Variants in TAF7L observed in about 807,000 individuals in gnomAD.
The protein encoded by TAF7L is transcription initiation factor TFIID subunit 7-like.
A neutral mutation model predicts 30.2 loss-of-function variants in TAF7L; 6 were observed. The ratio of observed to expected loss-of-function variants is 0.20; its 90% confidence interval spans 0.11 to 0.39. TAF7L has a LOEUF of 0.39. Ranked by LOEUF, TAF7L falls within the 10% of genes least tolerant of loss-of-function variation. TAF7L has a pLI of 1.00. For synonymous variants in TAF7L, 93 were observed against 94.5 expected, an observed-to-expected ratio of 0.98 and a Z score of 0.09; for missense variants, 284 against 277.1, an observed-to-expected ratio of 1.03 and a Z score of -0.18.
At chrX:101,282,543 G>C (rs1924449601) in intron 4 of TAF7L, 90 bp from the exon 5 acceptor site, 1 of 1,000,877 alleles carries the variant, frequency 1.0e-6, no homozygotes, top group Admixed American at 2.5e-5. Flanking sequence ...ATGCACAGAA[G>C]AGACTGATAC....
chrX:101,287,340 C>T, intron 2 of TAF7L, 138 bp downstream of exon 2: 1 of 542,189 alleles, frequency 1.8e-6, no homozygotes, highest in Non-Finnish European at 3.0e-6. Flanking sequence ...GACTGCTTAA[C>T]AGAACATGAT....
intron 8 of TAF7L, 56 bp from the exon 9 acceptor site, chrX:101,277,775 A>G: frequency 1.2e-6 from 1 of 864,694 alleles, no homozygotes; most frequent in Non-Finnish European, 1.7e-6. Flanking sequence ...GGCACAGCTG[A>G]AAGGGAAGGG....
intron 3 of TAF7L, among the ~76,000 whole-genome samples, chrX:101,283,905 CT>C (rs368554102): frequency 0.084 from 8,288 of 98,138 alleles, 740 homozygotes; most frequent in African/African-American, 0.25. Context: ...AAACCAATTC[CT>C]TTTTTTTTTT....
intron 3 of TAF7L, among the ~76,000 whole-genome samples, chrX:101,284,284 C>T (rs1185740160): frequency 2.7e-5 from 3 of 112,317 alleles, no homozygotes; most frequent in Non-Finnish European, 5.6e-5. Flanking sequence ...GAAACAGTAT[C>T]AGTTATCTGT....
chrX:101,286,531 T>C, intron 3 of TAF7L, 44 bp downstream of exon 3: 1 of 985,212 alleles, frequency 1.0e-6, no homozygotes, highest in Middle Eastern at 3.6e-4. Context: ...AATCCCTTAA[T>C]AAATTATTGT....
chrX:101,287,408 T>C lies in TAF7L; in HGVS notation c.66+70A>G, dbSNP rs1020377115. On this transcript the variant is annotated intron_variant, in intron 2 of 12. Coordinates refer to ENST00000356784, the MANE Select transcript of TAF7L (RefSeq NM_001168474.2). Reference sequence around the variant, plus strand: ...CCTACCTGAAATAGAAATGTCAGAATCCAAGTAGAACTATAATTATAATTA... The same window carrying C: ...CCTACCTGAAATAGAAATGTCAGAACCCAAGTAGAACTATAATTATAATTA... The C allele has an allele frequency of 4.5e-5, 37 of 827,199 alleles. No homozygotes were observed. The Admixed American group carries it at 4.7e-4, about 11-fold the overall frequency. The allele number at this position is 827,199 out of a possible 1,213,427, so 68.2% of individuals were successfully genotyped here. A position where few individuals can be genotyped will look rare whatever the true frequency, so the allele number is the denominator to read the frequency against.
chrX:101,286,472 C>T, intron 3 of TAF7L, 103 bp downstream of exon 3: 1 of 545,602 alleles, frequency 1.8e-6, no homozygotes, highest in East Asian at 3.7e-5. Context: ...AGACCATATT[C>T]TATCATTTTT....
At chrX:101,284,357 T>G (rs1350429782) in intron 3 of TAF7L, among the ~76,000 whole-genome samples, 1 of 112,044 alleles carries the variant, frequency 8.9e-6, no homozygotes, top group South Asian at 3.7e-4. Flanking sequence ...ACTTTTCTTT[T>G]TCATTTGATT....
Position 101,276,535 on chromosome X carries a change from G to C in TAF7L, c.692-7C>G, listed in dbSNP as rs1456535418. On this transcript the variant is annotated splice_polypyrimidine_tract_variant and splice_region_variant and intron_variant, in intron 9 of 12. Coordinates refer to ENST00000356784, the MANE Select transcript of TAF7L (RefSeq NM_001168474.2). ...TCCCGAAGCATATCATATTCTACTAGTTTTAAGCAAGAAGAAGGTGAACTA... is the reference window on the plus strand; with the variant it reads ...TCCCGAAGCATATCATATTCTACTACTTTTAAGCAAGAAGAAGGTGAACTA... 2 of 1,208,412 alleles carry C rather than the reference G, an allele frequency of 1.7e-6. No individual in the cohort carries two copies. Among genetic ancestry groups the C allele is most frequent in the Admixed American group, 2.2e-5 (1 of 45,881 alleles).
chrX:101,273,657 T>G (rs1009164156), intron 12 of TAF7L, among the ~76,000 whole-genome samples: 4 of 112,063 alleles, frequency 3.6e-5, no homozygotes, highest in African/African-American at 1.3e-4. Flanking sequence ...ACATTACACT[T>G]AAGGCCAAAC....
intron 3 of TAF7L, among the ~76,000 whole-genome samples, chrX:101,285,054 T>C (rs1054488569): frequency 3.6e-5 from 4 of 111,267 alleles, no homozygotes; most frequent in Non-Finnish European, 7.5e-5. Context: ...TGAATAATGC[T>C]ACAATGAATA....
In TAF7L at chrX:101,286,640, G is replaced by A. The variant is rs927756129; in HGVS notation, c.80C>T (p.Thr27Ile). The A allele has an allele frequency of 1.7e-6, 2 of 1,201,182 alleles. No homozygotes were observed. Among genetic ancestry groups the A allele is most frequent in the African/African-American group, 3.5e-5 (2 of 57,102 alleles). ...TTGAGAACGTGCTAGGTTCCTGACA[G>A]TACAAGCATGTTCCTAAAAAGGAGG... ...ILRLPLEHAC[T>I]VRNLARSQSV... The change falls in exon 3 of 13, where the codon ACT becomes ATT. Residue 27 changes from threonine to isoleucine, a missense_variant. Coordinates refer to ENST00000356784, the MANE Select transcript of TAF7L (RefSeq NM_001168474.2).
chrX:101,287,327 T>G, intron 2 of TAF7L, 151 bp downstream of exon 2: 3 of 489,480 alleles, frequency 6.1e-6, no homozygotes, highest in Non-Finnish European at 1.0e-5. Flanking sequence ...CACGCTATGA[T>G]AGGACTGCTT....
chrX:101,291,196 C>A (rs959460510), intron 1 of TAF7L, 28 bp downstream of exon 1: 2 of 713,140 alleles, frequency 2.8e-6, no homozygotes, highest in South Asian at 1.4e-4. Flanking sequence ...GACCCGGTCC[C>A]GGCCGCCCGG....
chrX:101,282,381 T>C lies in TAF7L; in HGVS notation c.352A>G (p.Ile118Val), dbSNP rs370305430. 4.1e-5 allele frequency: 49 copies of C among 1,208,935 alleles called. No homozygotes were observed. The highest frequency in any genetic ancestry group is 5.0e-5 in the Non-Finnish European group (45 of 894,534). The change falls in exon 5 of 13, where the codon ATA becomes GTA. Residue 118 changes from isoleucine (I) to valine (V), a missense_variant. Coordinates refer to ENST00000356784, the MANE Select transcript of TAF7L (RefSeq NM_001168474.2). ...CTCCCCCTTTCTTTTTTCCTGACTA[T>C]ATTAGGATCAGTAGAGGCAGCTGGT... ...EEPAASTDPN[I>V]VRKKERGREE...
At chrX:101,292,638 A>G, upstream of TAF7L, 3 of 660,453 alleles carry the variant, frequency 4.5e-6, no homozygotes, top group Admixed American at 1.1e-4. Flanking sequence ...CAGAGTCAAC[A>G]TTTTACATCC....
chrX:101,278,828 A>G (rs1924305139), intron 7 of TAF7L, among the ~76,000 whole-genome samples, 166 bp downstream of exon 7: 2 of 112,287 alleles, frequency 1.8e-5, no homozygotes, highest in Admixed American at 9.5e-5. Context: ...CAATGAATTC[A>G]TTTTTTAGTG....
Position 101,269,236 on chromosome X carries a change from A to C in TAF7L, c.1088T>G (p.Leu363Arg). ...CTGCAACTGTTCCTGTAGGGAAATG[A>C]GCTGTAGGGAGAGGTAGAAAGACAT... ...ELQEKQKNEK[L>R]ISLQEQLQRF... The change falls in exon 13 of 13, where the codon CTC becomes CGC. Residue 363 changes from leucine (L) to arginine (R), a missense_variant and splice_region_variant. Transcript: ENST00000356784. The C allele has an allele frequency of 8.3e-7, 1 of 1,203,856 alleles. No homozygotes were observed. Among genetic ancestry groups the C allele is most frequent in the Non-Finnish European group, 1.1e-6 (1 of 890,179 alleles).
intron 3 of TAF7L, among the ~76,000 whole-genome samples, chrX:101,286,010 G>A (rs185485375): frequency 4.5e-5 from 5 of 110,154 alleles, no homozygotes; most frequent in South Asian, 7.7e-4. Context: ...GTGAAACCAC[G>A]TCTCTACTAA....
Sources: gnomAD v4.1 joint callset for allele counts (sites outside exome capture counted in the v4.1 genomes callset) on GRCh38, gnomAD v4.1.1 for gene constraint, MANE v1.5 for transcripts, NCBI Gene and HGNC (gene_info 2026-07-23, HGNC 2026-07-21) for gene names.